Variants in MAGI1 observed in about 807,000 individuals in gnomAD.
MAGI1 encodes membrane associated guanylate kinase, WW and PDZ domain containing 1, also known as membrane-associated guanylate kinase, WW and PDZ domain-containing protein 1.
A neutral mutation model predicts 139.9 loss-of-function variants in MAGI1; 58 were observed. The observed-to-expected ratio is 0.41, with a 90% CI of 0.34 to 0.52. The LOEUF (loss-of-function observed/expected upper bound fraction) is 0.52. Among genes scored for constraint, MAGI1 ranks in the 20% least tolerant of loss-of-function variants. The pLI is 0.12. For missense variants in MAGI1, 1,874 were observed against 1,901.6 expected, an observed-to-expected ratio of 0.99 and a Z score of 0.27; for synonymous variants, 812 against 737.9, an observed-to-expected ratio of 1.10 and a Z score of -1.63.
chr3:65,407,302 C>G (rs1450857473), intron 12 of MAGI1, among the ~76,000 whole-genome samples: 1 of 152,004 alleles, frequency 6.6e-6, no homozygotes, highest in Non-Finnish European at 1.5e-5. Flanking sequence ...CAAAAATTAG[C>G]TGGGTGTGGT....
At chr3:65,803,759 C>A (rs1217029716) in intron 1 of MAGI1, among the ~76,000 whole-genome samples, 1 of 152,124 alleles carries the variant, frequency 6.6e-6, no homozygotes, top group Non-Finnish European at 1.5e-5. Context: ...TCCACGTGTT[C>A]TCATCATTTA....
intron 13 of MAGI1, among the ~76,000 whole-genome samples, chr3:65,398,912 CA>C (rs1944625000): frequency 6.6e-6 from 1 of 151,916 alleles, no homozygotes; most frequent in Admixed American, 6.6e-5. Flanking sequence ...GAGTAAGCTA[CA>C]GGGACTATCC....
chr3:65,782,048 G>A (rs2038978475), intron 1 of MAGI1, among the ~76,000 whole-genome samples: 1 of 152,166 alleles, frequency 6.6e-6, no homozygotes, highest in Non-Finnish European at 1.5e-5. Context: ...CCCAAGTCTA[G>A]AGACCCTAAC....
intron 2 of MAGI1, among the ~76,000 whole-genome samples, chr3:65,617,490 G>A (rs1170529192): frequency 6.6e-6 from 1 of 152,154 alleles, no homozygotes; most frequent in Non-Finnish European, 1.5e-5. Flanking sequence ...CATCAGCTAG[G>A]ACAAGAAGTC....
chr3:65,850,187 T>G (rs1469370403), intron 1 of MAGI1, among the ~76,000 whole-genome samples: 1 of 152,176 alleles, frequency 6.6e-6, no homozygotes, highest in African/African-American at 2.4e-5. Flanking sequence ...CAGAACATAC[T>G]AAGAGTTTGA....
At chr3:65,494,669 T>C (rs777618667) in intron 2 of MAGI1, among the ~76,000 whole-genome samples, 1 of 152,228 alleles carries the variant, frequency 6.6e-6, no homozygotes, top group Non-Finnish European at 1.5e-5. Flanking sequence ...TATTTCCCTA[T>C]GTCTAGGATC....
chr3:65,805,482 T>C lies in MAGI1; in HGVS notation c.314-183394A>G, dbSNP rs1575563455. On this transcript the variant is annotated intron_variant, in intron 1 of 22. Coordinates refer to ENST00000402939, the MANE Select transcript of MAGI1 (RefSeq NM_001033057.2). ...TGGAGAAACAGGAATGCTTTTACAG[T>C]GTTGGTGGGAACACAAATTAGTTCA... Among the ~76,000 whole-genome samples the C allele has an allele frequency of 2.0e-5, 3 of 152,316 alleles. 1 individual carries two copies. Among genetic ancestry groups the C allele is most frequent in the Middle Eastern group, 6.8e-3 (2 of 294 alleles).
chr3:65,579,104 C>T (rs1171499192), intron 2 of MAGI1, among the ~76,000 whole-genome samples: 3 of 152,146 alleles, frequency 2.0e-5, no homozygotes, highest in African/African-American at 7.2e-5. Flanking sequence ...CATTCATACA[C>T]ATATCCATTG....
intron 1 of MAGI1, chr3:65,907,700 G>C (rs1486476538): frequency 6.6e-6 from 1 of 152,160 alleles, no homozygotes; most frequent in Non-Finnish European, 1.5e-5. Flanking sequence ...AGTTGCCATA[G>C]CTCCCTCTAG....
intron 1 of MAGI1, among the ~76,000 whole-genome samples, chr3:65,732,323 C>T (rs1296054530): frequency 6.6e-6 from 1 of 152,178 alleles, no homozygotes. Context: ...GTACACAAAC[C>T]CACTTCTCAT....
chr3:65,386,161 A>C (rs1021963823), intron 14 of MAGI1, among the ~76,000 whole-genome samples: 1 of 151,892 alleles, frequency 6.6e-6, no homozygotes. Context: ...GTTTCTGCCT[A>C]CTGTTGCTCA....
chr3:65,456,388 T>C (rs1949389008), intron 5 of MAGI1, among the ~76,000 whole-genome samples: 1 of 152,126 alleles, frequency 6.6e-6, no homozygotes, highest in South Asian at 2.1e-4. Context: ...TATTTTTTTT[T>C]TTTCACTCCG....
chr3:65,660,285 T>C (rs1410326362), intron 1 of MAGI1, among the ~76,000 whole-genome samples: 2 of 152,238 alleles, frequency 1.3e-5, no homozygotes, highest in Non-Finnish European at 2.9e-5. Context: ...GTGAACATGG[T>C]AAACGGGCTT....
At chr3:65,722,925 A>G (rs1358716028) in intron 1 of MAGI1, among the ~76,000 whole-genome samples, 1 of 151,876 alleles carries the variant, frequency 6.6e-6, no homozygotes, top group Non-Finnish European at 1.5e-5. Flanking sequence ...GAACTTGAAT[A>G]CTACCTTTGA....
intron 1 of MAGI1, among the ~76,000 whole-genome samples, chr3:65,769,746 G>C (rs993306635): frequency 6.6e-6 from 1 of 152,170 alleles, no homozygotes; most frequent in Non-Finnish European, 1.5e-5. Flanking sequence ...GTCTACCTGG[G>C]TTTAAAAATG....
intron 1 of MAGI1, among the ~76,000 whole-genome samples, chr3:65,834,976 C>T (rs1303098079): frequency 6.6e-6 from 1 of 152,100 alleles, no homozygotes; most frequent in Non-Finnish European, 1.5e-5. Flanking sequence ...TATATTGTTT[C>T]ATTTGAAGTG....
intron 1 of MAGI1, among the ~76,000 whole-genome samples, chr3:65,965,604 T>C (rs1160978616): frequency 6.6e-6 from 1 of 152,070 alleles, no homozygotes; most frequent in African/African-American, 2.4e-5. Context: ...GGAATGAATT[T>C]GAACTGAAGC....
intron 1 of MAGI1, among the ~76,000 whole-genome samples, chr3:65,941,587 C>T (rs767490902): frequency 2.0e-5 from 3 of 152,206 alleles, no homozygotes; most frequent in Non-Finnish European, 4.4e-5. Flanking sequence ...TGAACTGTCC[C>T]CTATGGGGAC....
intron 2 of MAGI1, among the ~76,000 whole-genome samples, chr3:65,524,688 G>A (rs1420322251): frequency 6.6e-6 from 1 of 152,162 alleles, no homozygotes; most frequent in African/African-American, 2.4e-5. Context: ...TTGAAGTTAT[G>A]TAGACTCTAC....
Sources: gnomAD v4.1 joint callset for allele counts (sites outside exome capture counted in the v4.1 genomes callset) on GRCh38, gnomAD v4.1.1 for gene constraint, MANE v1.5 for transcripts, NCBI Gene and HGNC (gene_info 2026-07-23, HGNC 2026-07-21) for gene names.